Variants in USP39 observed in about 807,000 individuals in gnomAD.
USP39 encodes ubiquitin carboxyl-terminal hydrolase 39.
USP39 carries 38 observed loss-of-function variants against 66.4 expected under a neutral mutation model. The ratio of observed to expected loss-of-function variants is 0.57; its 90% CI spans 0.44 to 0.75. USP39 has a LOEUF of 0.75. Ranked by LOEUF, USP39 falls within the 30% of genes least tolerant of loss-of-function variation. USP39 has a pLI of 0.00. For missense variants in USP39, 608 were observed against 714.4 expected (o/e 0.85, Z 1.70); for synonymous variants, 303 against 274.6 (o/e 1.10, Z -1.02).
At chr2:85,617,705 A>AG (rs1182425564) in intron 1 of USP39, among the ~76,000 whole-genome samples, 5 of 152,234 alleles carry the variant, frequency 3.3e-5, no homozygotes, top group Non-Finnish European at 5.9e-5. Context: ...CCTGTAAGGC[A>AG]GCTCACTGTG....
At chr2:85,627,529 G>C (rs1674966417) in intron 5 of USP39, among the ~76,000 whole-genome samples, 2 of 152,048 alleles carry the variant, frequency 1.3e-5, no homozygotes, top group Non-Finnish European at 2.9e-5. Context: ...GGTGGCTCAT[G>C]CCTCTAATCC....
chr2:85,611,020 A>G (rs1411657510), upstream of USP39: 2 of 157,222 alleles, frequency 1.3e-5, no homozygotes, highest in African/African-American at 4.8e-5. Context: ...CGGCCTCCCA[A>G]AGTGCTGGGA....
upstream of USP39, chr2:85,611,298 G>A (rs1214521763): frequency 4.9e-6 from 7 of 1,419,970 alleles, no homozygotes; most frequent in East Asian, 1.6e-4. Context: ...TAGCAGAGAA[G>A]CTGGGGAAAG....
At chr2:85,625,170 C>T (rs1389928445) in intron 4 of USP39, among the ~76,000 whole-genome samples, 1 of 152,144 alleles carries the variant, frequency 6.6e-6, no homozygotes, top group Non-Finnish European at 1.5e-5. Context: ...AGGAAACTCT[C>T]CTGCTCCAAA....
upstream of USP39, chr2:85,610,576 G>A (rs1404949898): frequency 6.6e-6 from 1 of 152,016 alleles, no homozygotes; most frequent in Non-Finnish European, 1.5e-5. Flanking sequence ...TTTCTTATGA[G>A]GTTGTATAAA....
intron 1 of USP39, among the ~76,000 whole-genome samples, chr2:85,618,622 T>G (rs1674199319): frequency 6.6e-6 from 1 of 151,314 alleles, no homozygotes; most frequent in Non-Finnish European, 1.5e-5. Context: ...TGTATTACAA[T>G]TAGTTTATTT....
intron 6 of USP39, among the ~76,000 whole-genome samples, chr2:85,632,871 A>G (rs1004212957): frequency 1.3e-5 from 2 of 152,132 alleles, no homozygotes; most frequent in African/African-American, 4.8e-5. Flanking sequence ...GAGTGGAGGA[A>G]GAGACCCTGA....
intron 9 of USP39, 43 bp downstream of exon 9, chr2:85,639,434 T>G: frequency 6.8e-7 from 1 of 1,474,472 alleles, no homozygotes; most frequent in Non-Finnish European, 9.1e-7. Context: ...TTACCCTCGC[T>G]CTCTCGACTT....
chr2:85,638,526 T>A (rs535468061), intron 8 of USP39, among the ~76,000 whole-genome samples: 24 of 131,658 alleles, frequency 1.8e-4, no homozygotes, highest in East Asian at 1.5e-3. Context: ...TTGTTTAATT[T>A]AATTAATTAA....
At chr2:85,611,532 C>G (rs948601156), upstream of USP39, 1 of 1,550,980 alleles carries the variant, frequency 6.4e-7, no homozygotes, top group Admixed American at 2.0e-5. Flanking sequence ...GATTTGGGAG[C>G]GCTGAGGTGG....
intron 1 of USP39, among the ~76,000 whole-genome samples, chr2:85,616,741 G>C (rs1674004875): frequency 6.8e-6 from 1 of 146,062 alleles, no homozygotes; most frequent in African/African-American, 2.6e-5. Context: ...GCAGTGGCGC[G>C]ATCTCGGCTC....
At chr2:85,612,219 T>G, upstream of USP39, 2 of 1,287,992 alleles carry the variant, frequency 1.6e-6, no homozygotes, top group Non-Finnish European at 2.1e-6. Context: ...TTGTTTTTGT[T>G]TTTTTTTGTT....
intron 10 of USP39, among the ~76,000 whole-genome samples, chr2:85,641,907 T>TAAAAAAAAAAAA (rs759697072): frequency 1.1e-5 from 1 of 91,302 alleles, no homozygotes; most frequent in Non-Finnish European, 2.2e-5. Context: ...GTGACTGTGC[T>TAAAAAAAAAAAA]AAAAAAAAAA....
chr2:85,646,883 CTTTTT>C (rs773751290), intron 11 of USP39, among the ~76,000 whole-genome samples: 5 of 108,532 alleles, frequency 4.6e-5, no homozygotes, highest in African/African-American at 1.4e-4. Flanking sequence ...TGACCTGTTG[CTTTTT>C]TTTTTTTTTT....
In USP39 at chr2:85,627,167, G is replaced by A. The variant is rs116566985; in HGVS notation, c.723+1476G>A. 6.2e-3 allele frequency among the ~76,000 whole-genome samples: 944 copies of A among 151,774 alleles called. 9 individuals are homozygous for A. The highest frequency in any genetic ancestry group is 0.022 in the African/African-American group (907 of 41,378). On this transcript the variant is annotated intron_variant, in intron 5 of 12. Transcript: ENST00000323701. ...GCTGGAATGCAGTGGCATGATCTTCGTTCACTGCAACCTCTGCTCCCCAGG... is the reference window on the plus strand; with the variant it reads ...GCTGGAATGCAGTGGCATGATCTTCATTCACTGCAACCTCTGCTCCCCAGG...
At chr2:85,622,916 G>A (rs111874355) in intron 3 of USP39, among the ~76,000 whole-genome samples, 179 of 152,264 alleles carry the variant, frequency 1.2e-3, no homozygotes, top group African/African-American at 4.1e-3. Flanking sequence ...CTCTCGTAAG[G>A]AGCTTATAAG....
At chr2:85,614,911 A>G (rs1334151792), upstream of USP39, among the ~76,000 whole-genome samples, 1 of 152,116 alleles carries the variant, frequency 6.6e-6, no homozygotes, top group African/African-American at 2.4e-5. Context: ...CCCTCACTCA[A>G]GATGGAGTTG....
At chr2:85,631,513 G>A (rs920401497) in intron 6 of USP39, among the ~76,000 whole-genome samples, 2 of 151,982 alleles carry the variant, frequency 1.3e-5, no homozygotes, top group African/African-American at 4.8e-5. Flanking sequence ...GGAGTGTCCA[G>A]TGGATAGTGT....
At chr2:85,626,862 C>T (rs150522325) in intron 5 of USP39, among the ~76,000 whole-genome samples, 38 of 151,288 alleles carry the variant, frequency 2.5e-4, no homozygotes, top group African/African-American at 8.5e-4. Context: ...GGATTACAGG[C>T]GCCTGCCACT....
Sources: gnomAD v4.1 joint callset for allele counts (sites outside exome capture counted in the v4.1 genomes callset) on GRCh38, gnomAD v4.1.1 for gene constraint, MANE v1.5 for transcripts, NCBI Gene and HGNC (gene_info 2026-07-23, HGNC 2026-07-21) for gene names.